SCN10A: variants seen among roughly 807,000 people sequenced by gnomAD.
The protein encoded by SCN10A is sodium voltage-gated channel alpha subunit 10.
Under a neutral mutation model 170.7 loss-of-function variants are expected in SCN10A, and 162 were observed. The observed-to-expected ratio is 0.95, with a 90% CI of 0.84 to 1.08. SCN10A has a LOEUF of 1.08. Ranked by LOEUF, SCN10A falls within the 50% of genes least tolerant of loss-of-function variation. The probability of loss-of-function intolerance (pLI) is 0.00; values close to 1 mark genes in which losing one functional copy is unlikely to be tolerated. For synonymous variants in SCN10A, 985 were observed against 904.6 expected (o/e 1.09, Z -1.59); for missense variants, 2,527 against 2,436.9 (o/e 1.04, Z -0.78).
rs759930945 is a variant in SCN10A, at chr3:38,697,037, A to G, written c.*312T>C. On this transcript the variant is annotated 3_prime_UTR_variant, in exon 28 of 28. Coordinates refer to ENST00000449082, the MANE Select transcript of SCN10A (RefSeq NM_006514.4). ...GTTCTGGTCCTGAGAAGTTTGTCTCAGTAAATATAATCTGATTACAACAAA... is the reference window on the plus strand; with the variant it reads ...GTTCTGGTCCTGAGAAGTTTGTCTCGGTAAATATAATCTGATTACAACAAA... The G allele has an allele frequency of 2.9e-6, 1 of 350,696 alleles. No homozygotes were observed. Among genetic ancestry groups the G allele is most frequent in the East Asian group, 5.8e-5 (1 of 17,174 alleles). 21.7% of individuals were successfully genotyped at this position (350,696 alleles called of 1,614,324 possible).
In SCN10A at chr3:38,798,332, A is replaced by G. The variant is rs138036941; in HGVS notation, c.-32-4290T>C. Among the ~76,000 whole-genome samples the G allele has an allele frequency of 3.6e-3, 549 of 152,274 alleles. 6 individuals are homozygous for G. Among genetic ancestry groups the G allele is most frequent in the African/African-American group, 0.013 (533 of 41,560 alleles). On this transcript the variant is annotated intron_variant, in intron 1 of 27. Transcript: ENST00000449082. ...CTCTACAGAACTTACTTCAGTGGCC[A>G]GAGAAAGCCCTGGGCAGACAGAGGC...
intron 16 of SCN10A, among the ~76,000 whole-genome samples, chr3:38,727,383 G>A (rs1169785442): frequency 1.3e-5 from 2 of 152,168 alleles, no homozygotes; most frequent in African/African-American, 4.8e-5. Flanking sequence ...CCAAAGCCCT[G>A]GGCTCTGTTC....
rs187722586 is a variant in SCN10A, at chr3:38,709,684, G to A, written c.4144-69C>T. The A allele has an allele frequency of 9.3e-6, 13 of 1,397,466 alleles. No individual in the cohort carries two copies. The Admixed American group carries it at 2.2e-4, about 24-fold the overall frequency. 86.6% of individuals were successfully genotyped at this position (1,397,466 alleles called of 1,614,324 possible). A position where few individuals can be genotyped will look rare whatever the true frequency, so the allele number is the denominator to read the frequency against. On this transcript the variant is annotated intron_variant, in intron 24 of 27. Coordinates refer to ENST00000449082, the MANE Select transcript of SCN10A (RefSeq NM_006514.4). The stretch of plus-strand genomic sequence containing the variant: ...AGTTCAGGTTCACTCTGAAAGCCAA[G>A]CCTAAGACATGGACCTGGGTGCAGG...
At position 38,777,511 on chromosome 3, in the gene SCN10A, C is replaced by T. The variant is rs76424950; in HGVS notation, c.471-6104G>A. On this transcript the variant is annotated intron_variant, in intron 4 of 27. Coordinates refer to ENST00000449082, the MANE Select transcript of SCN10A (RefSeq NM_006514.4). ...GGAAGGCTTCGTATTGTAAATGTGG[C>T]GATTCTTCCTGTGGTGATAAATCAA... 2.6e-3 allele frequency among the ~76,000 whole-genome samples: 403 copies of T among 152,104 alleles called. 1 individual carries two copies. The highest frequency in any genetic ancestry group is 8.8e-3 in the African/African-American group (366 of 41,526).
chr3:38,722,667 C>A (rs897241708), intron 19 of SCN10A, among the ~76,000 whole-genome samples: 1 of 152,052 alleles, frequency 6.6e-6, no homozygotes, highest in African/African-American at 2.4e-5. Context: ...CAGATGACAC[C>A]AGTGGTCCCT....
chr3:38,740,886 G>A (rs540440718), intron 14 of SCN10A, among the ~76,000 whole-genome samples: 3 of 152,248 alleles, frequency 2.0e-5, no homozygotes, highest in South Asian at 4.1e-4. Flanking sequence ...GGGCTCAAAT[G>A]TCTATTCCAT....
intron 15 of SCN10A, among the ~76,000 whole-genome samples, chr3:38,729,553 G>A (rs942944260): frequency 3.9e-5 from 6 of 152,126 alleles, no homozygotes; most frequent in Non-Finnish European, 8.8e-5. Flanking sequence ...AGAGGTGTGT[G>A]GGCTCTTGCT....
Position 38,726,928 on chromosome 3 carries a change from T to A in SCN10A, c.2765A>T (p.His922Leu). 1.2e-6 allele frequency: 2 copies of A among 1,614,230 alleles called. No individual in the cohort carries two copies. The highest frequency in any genetic ancestry group is 1.7e-6 in the Non-Finnish European group (2 of 1,180,042). ...GCTGCAAAGAGCCTGTTTGGTACGA[T>A]GGCCAAAGACCTGGATCCGTGCCAG... ...VALARIQVFG[H>L]RTKQALCSFF... The change falls in exon 17 of 28, where the codon CAT becomes CTT. Residue 922 changes from histidine to leucine, a missense_variant. By Grantham distance (99) the His-to-Leu change is moderately conservative. Coordinates refer to ENST00000449082, the MANE Select transcript of SCN10A (RefSeq NM_006514.4).
intron 1 of SCN10A, among the ~76,000 whole-genome samples, chr3:38,811,583 G>A (rs1184374260): frequency 3.3e-5 from 5 of 152,098 alleles, no homozygotes; most frequent in South Asian, 4.1e-4. Context: ...ATCTCCCAAA[G>A]TAATATAATT....
At chr3:38,776,630 A>G (rs917052330) in intron 4 of SCN10A, among the ~76,000 whole-genome samples, 2 of 152,110 alleles carry the variant, frequency 1.3e-5, no homozygotes, top group South Asian at 2.1e-4. Flanking sequence ...GTTAGATTTT[A>G]AAATTATATG....
intron 4 of SCN10A, 30 bp downstream of exon 4, chr3:38,788,926 T>C (rs754932586): frequency 1.5e-6 from 2 of 1,343,006 alleles, no homozygotes; most frequent in Non-Finnish European, 2.1e-6. Context: ...CAAAAAGAGA[T>C]GGTACAATAA....
At chr3:38,708,760 T>A (rs184925249) in intron 25 of SCN10A, among the ~76,000 whole-genome samples, 205 of 152,284 alleles carry the variant, frequency 1.3e-3, no homozygotes, top group African/African-American at 4.8e-3. Flanking sequence ...CAGAGGGGTT[T>A]AAAATATTGC....
chr3:38,747,591 A>G (rs1417436109), intron 13 of SCN10A, among the ~76,000 whole-genome samples: 1 of 152,202 alleles, frequency 6.6e-6, no homozygotes, highest in South Asian at 2.1e-4. Flanking sequence ...CACACTGTGT[A>G]CCATAAGTGG....
chr3:38,756,612 G>C, intron 10 of SCN10A, 62 bp downstream of exon 10: 4 of 1,401,876 alleles, frequency 2.9e-6, no homozygotes, highest in South Asian at 1.2e-5. Context: ...GGCTAGTCCA[G>C]AACAGTATCC....
At chr3:38,745,824 T>A (rs1559439275) in intron 13 of SCN10A, among the ~76,000 whole-genome samples, 1 of 152,010 alleles carries the variant, frequency 6.6e-6, no homozygotes, top group Non-Finnish European at 1.5e-5. Context: ...GGCTCTGCAT[T>A]GTATTCTTCT....
intron 14 of SCN10A, among the ~76,000 whole-genome samples, chr3:38,740,158 ATGTG>A (rs1419423596): frequency 6.6e-6 from 1 of 152,260 alleles, no homozygotes; most frequent in Non-Finnish European, 1.5e-5. Flanking sequence ...GAGCCAATGC[ATGTG>A]CAGTTCTTAA....
chr3:38,779,434 A>G (rs2064112690), intron 4 of SCN10A, among the ~76,000 whole-genome samples: 1 of 151,992 alleles, frequency 6.6e-6, no homozygotes, highest in South Asian at 2.1e-4. Flanking sequence ...TTCTCTCAAT[A>G]ATGCTGTATT....
intron 26 of SCN10A, among the ~76,000 whole-genome samples, chr3:38,704,766 C>T (rs1224553869): frequency 6.6e-6 from 1 of 152,142 alleles, no homozygotes; most frequent in Non-Finnish European, 1.5e-5. Context: ...TATGTGGTCC[C>T]AGGTAAGCTC....
At chr3:38,754,960 TG>T (rs1199734243) in intron 11 of SCN10A, among the ~76,000 whole-genome samples, 4 of 151,996 alleles carry the variant, frequency 2.6e-5, no homozygotes, top group Admixed American at 6.5e-5. Flanking sequence ...AGGGCATATT[TG>T]GGGTAAAAGG....
Sources: gnomAD v4.1 joint callset for allele counts (sites outside exome capture counted in the v4.1 genomes callset) on GRCh38, gnomAD v4.1.1 for gene constraint, MANE v1.5 for transcripts, NCBI Gene and HGNC (gene_info 2026-07-23, HGNC 2026-07-21) for gene names.